The following ADAM12 variants were observed in gnomAD, a reference collection of about 807,000 sequenced individuals.
ADAM12 encodes ADAM metallopeptidase domain 12, also known as disintegrin and metalloproteinase domain-containing protein 12.
In ADAM12, 70 loss-of-function variants were observed where a neutral mutation model predicts 106.4. The ratio of observed to expected loss-of-function variants is 0.66; its 90% confidence interval spans 0.54 to 0.80. The LOEUF is 0.80. ADAM12 is among the 30% of genes least tolerant of loss of function. The pLI is 0.00. For missense variants in ADAM12, 1,010 were observed against 1,171.9 expected (o/e 0.86, Z 2.02); for synonymous variants, 420 against 433.5 (o/e 0.97, Z 0.39).
rs114645334 is a variant in ADAM12 at position 126,118,629 on chromosome 10, T to C, written c.417-405A>G. ...AATGTTTACTTTTAAAATATTTCAA[T>C]AGCCTCAGGGGTACAGTAGCCTTTG... On this transcript the variant is annotated intron_variant, in intron 5 of 22. Coordinates refer to ENST00000448723, the MANE Select transcript of ADAM12 (RefSeq NM_001288973.2). 9.8e-3 allele frequency among the ~76,000 whole-genome samples: 1,488 copies of C among 152,330 alleles called. 31 individuals carry two copies. The highest frequency in any genetic ancestry group is 0.034 in the African/African-American group (1,398 of 41,576).
At chr10:126,380,746 G>T (rs1856459946) in intron 1 of ADAM12, among the ~76,000 whole-genome samples, 1 of 152,166 alleles carries the variant, frequency 6.6e-6, no homozygotes, top group African/African-American at 2.4e-5. Context: ...CACTTCTCCA[G>T]CCCAGAGACC....
At position 126,038,340 on chromosome 10, in the gene ADAM12, G is replaced by A; in HGVS notation, c.2250C>T (p.Arg750=). 6.3e-7 allele frequency: 1 copy of A among 1,594,202 alleles called. No individual in the cohort carries two copies. The highest frequency in any genetic ancestry group is 8.6e-7 in the Non-Finnish European group (1 of 1,168,954). Residue 750 remains arginine (R), a synonymous_variant, in exon 20 of 23, where the codon CGC becomes CGT. Transcript: ENST00000448723. ...GGAAGCCACGGGGTGGCCGGGAAGG[G>A]CGCACACACCTGCAACAGAATCCCA... ...KTTIEKLRCV[R]PSRPPRGFQP...
Position 126,274,922 on chromosome 10 carries a change from T to G in ADAM12, c.260+3993A>C, listed in dbSNP as rs190586574. On this transcript the variant is annotated intron_variant, in intron 3 of 22. Coordinates refer to ENST00000448723, the MANE Select transcript of ADAM12 (RefSeq NM_001288973.2). ...TATTTATACCCATGTTTAGCCATTT[T>G]AAAATGCCCTTTCTGTTATTGTTCT... Among the ~76,000 whole-genome samples the G allele has an allele frequency of 2.5e-4, 38 of 152,366 alleles. No individual in the cohort carries two copies. The East Asian group carries it at 5.6e-3, about 22-fold the overall frequency.
At chr10:126,187,468 G>A (rs1957420898) in intron 3 of ADAM12, among the ~76,000 whole-genome samples, 2 of 152,186 alleles carry the variant, frequency 1.3e-5, no homozygotes, top group Admixed American at 6.5e-5. Context: ...CAGGCGCCGG[G>A]GTGCCCAGCA....
intron 3 of ADAM12, among the ~76,000 whole-genome samples, chr10:126,175,905 A>G (rs966391467): frequency 2.0e-5 from 3 of 152,236 alleles, no homozygotes; most frequent in South Asian, 2.1e-4. Flanking sequence ...TAAGCCCCAG[A>G]GGCAGGTGTG....
chr10:126,046,368 C>G (rs529496784), intron 16 of ADAM12, among the ~76,000 whole-genome samples: 10 of 152,312 alleles, frequency 6.6e-5, no homozygotes, highest in Middle Eastern at 3.4e-3. Context: ...AATGTCAACA[C>G]TATTAAATTA....
At position 126,299,325 on chromosome 10, in the gene ADAM12, C is replaced by T. The variant is rs142415952; in HGVS notation, c.187-20337G>A. On this transcript the variant is annotated intron_variant, in intron 2 of 22. Coordinates refer to ENST00000448723, the MANE Select transcript of ADAM12 (RefSeq NM_001288973.2). Reference sequence around the variant, plus strand: ...ATTTAGCCCAGATTTCTTCTAGCTACGTCCACTTTATTCTTTTCTCTCATT... The same window carrying T: ...ATTTAGCCCAGATTTCTTCTAGCTATGTCCACTTTATTCTTTTCTCTCATT... Among the ~76,000 whole-genome samples the T allele has an allele frequency of 3.7e-3, 566 of 152,326 alleles. 22 individuals carry two copies. Among genetic ancestry groups the T allele is most frequent in the Non-Finnish European group, 7.2e-4 (49 of 68,038 alleles).
chr10:126,180,640 C>T (rs1376491564), intron 3 of ADAM12, among the ~76,000 whole-genome samples: 1 of 152,142 alleles, frequency 6.6e-6, no homozygotes, highest in African/African-American at 2.4e-5. Flanking sequence ...AACCAAGCAG[C>T]AGAAGTGCCC....
In ADAM12 at chr10:126,053,748, C is replaced by T. The variant is rs747012749; in HGVS notation, c.1610-4079G>A. 3.9e-5 allele frequency among the ~76,000 whole-genome samples: 6 copies of T among 151,990 alleles called. No individual in the cohort carries two copies. Among genetic ancestry groups the T allele is most frequent in the South Asian group, 2.1e-4 (1 of 4,796 alleles). On this transcript the variant is annotated intron_variant, in intron 14 of 22. Coordinates refer to ENST00000448723, the MANE Select transcript of ADAM12 (RefSeq NM_001288973.2). The surrounding 1 kb of genome is among the most constrained non-coding windows in gnomAD (Gnocchi z 4.6). Reference sequence around the variant, plus strand: ...GAGAGAGAGTTTCGCTCTTGTTGCCCAGGCTCGAGTGCAATGGTGTGATCT... The same window carrying T: ...GAGAGAGAGTTTCGCTCTTGTTGCCTAGGCTCGAGTGCAATGGTGTGATCT...
chr10:126,288,804 C>G (rs1278281482), intron 2 of ADAM12, among the ~76,000 whole-genome samples: 1 of 149,014 alleles, frequency 6.7e-6, no homozygotes, highest in Non-Finnish European at 1.5e-5. Context: ...AGGACCTGAC[C>G]ACATGGTGAC....
intron 3 of ADAM12, among the ~76,000 whole-genome samples, chr10:126,261,376 T>C (rs985513596): frequency 6.6e-6 from 1 of 152,114 alleles, no homozygotes; most frequent in Non-Finnish European, 1.5e-5. Context: ...AAGACTATAC[T>C]TAGAAAAAAG....
intron 21 of ADAM12, among the ~76,000 whole-genome samples, chr10:126,024,093 A>C (rs542167360): frequency 3.3e-5 from 5 of 152,328 alleles, no homozygotes; most frequent in African/African-American, 9.6e-5. Context: ...TTCTAGAAGC[A>C]AAAAAAGTAC....
chr10:126,357,722 A>G (rs1200754735), intron 1 of ADAM12, among the ~76,000 whole-genome samples: 3 of 152,074 alleles, frequency 2.0e-5, no homozygotes, highest in African/African-American at 7.2e-5. Flanking sequence ...TTATAAAAAG[A>G]CCCATCAGAT....
At chr10:126,076,917 A>C (rs1312547399) in intron 11 of ADAM12, among the ~76,000 whole-genome samples, 2 of 152,212 alleles carry the variant, frequency 1.3e-5, no homozygotes, top group African/African-American at 2.4e-5. Flanking sequence ...TTATTTGCCA[A>C]AGCCAAAATA....
At chr10:126,162,599 CCA>C (rs1956955933) in intron 3 of ADAM12, among the ~76,000 whole-genome samples, 2 of 152,096 alleles carry the variant, frequency 1.3e-5, no homozygotes, top group African/African-American at 4.8e-5. Flanking sequence ...GTTCTGACAG[CCA>C]CACAGATGAG....
chr10:126,053,206 G>A lies in ADAM12; in HGVS notation c.1610-3537C>T, dbSNP rs1260910703. On this transcript the variant is annotated intron_variant, in intron 14 of 22. Coordinates refer to ENST00000448723, the MANE Select transcript of ADAM12 (RefSeq NM_001288973.2). The surrounding 1 kb of genome is among the most constrained non-coding windows in gnomAD (Gnocchi z 4.6). ...GAAGCTTTCTGAGGCCTCCCCAGAA[G>A]CAGAAGCTACTCTGCTTCCTGTAAA... 6.6e-6 allele frequency among the ~76,000 whole-genome samples: 1 copy of A among 152,160 alleles called. No individual in the cohort carries two copies. The highest frequency in any genetic ancestry group is 1.5e-5 in the Non-Finnish European group (1 of 68,032).
intron 4 of ADAM12, among the ~76,000 whole-genome samples, chr10:126,146,587 C>T (rs1956632651): frequency 6.6e-6 from 1 of 152,174 alleles, no homozygotes; most frequent in South Asian, 2.1e-4. Context: ...CAATTTAGTT[C>T]ACTGCAACCT....
At chr10:126,166,497 T>TTTTG (rs1188739288) in intron 3 of ADAM12, among the ~76,000 whole-genome samples, 1 of 152,028 alleles carries the variant, frequency 6.6e-6, no homozygotes, top group Non-Finnish European at 1.5e-5. Flanking sequence ...GTTTCTTTTT[T>TTTTG]TTTGTTTTTT....
Position 126,098,674 on chromosome 10 carries a change from G to C in ADAM12, c.912-174C>G, listed in dbSNP as rs115391195. Among the ~76,000 whole-genome samples, 803 of 152,258 alleles carry C rather than the reference G, an allele frequency of 5.3e-3. 12 individuals are homozygous for C. Among genetic ancestry groups the C allele is most frequent in the African/African-American group, 0.019 (781 of 41,566 alleles). Reference sequence around the variant, plus strand: ...TTTCCCTGAAAATTTTATTTCTGCAGTTGCGTCATGGTTCTGTCATTTTTT... The same window carrying C: ...TTTCCCTGAAAATTTTATTTCTGCACTTGCGTCATGGTTCTGTCATTTTTT... On this transcript the variant is annotated intron_variant, in intron 9 of 22. Coordinates refer to ENST00000448723, the MANE Select transcript of ADAM12 (RefSeq NM_001288973.2).
Sources: allele counts gnomAD v4.1 joint callset (sites outside exome capture counted in the v4.1 genomes callset), GRCh38; gene constraint gnomAD v4.1.1; non-coding constraint Gnocchi (gnomAD v3.1); transcripts MANE v1.5; gene names NCBI Gene and HGNC (gene_info 2026-07-23, HGNC 2026-07-21).